The following GPATCH2 variants were observed in gnomAD, a reference collection of about 807,000 sequenced individuals.
The protein encoded by GPATCH2 is G-patch domain containing 2.
Under a neutral mutation model 58.0 loss-of-function variants are expected in GPATCH2, and 51 were observed. The ratio of observed to expected loss-of-function variants is 0.88; its 90% CI spans 0.70 to 1.11. The LOEUF (loss-of-function observed/expected upper bound fraction) is 1.11. Among genes scored for constraint, GPATCH2 ranks in the 50% most tolerant of loss-of-function variants. The pLI is 0.00. For synonymous variants in GPATCH2, 222 were observed against 218.5 expected (o/e 1.02, Z -0.14); for missense variants, 625 against 652.2 (o/e 0.96, Z 0.45).
At chr1:217,600,716 T>G (rs961081653) in intron 5 of GPATCH2, among the ~76,000 whole-genome samples, 2 of 152,030 alleles carry the variant, frequency 1.3e-5, no homozygotes, top group Non-Finnish European at 2.9e-5. Context: ...CATCACCATT[T>G]TAAAAGACAA....
intron 5 of GPATCH2, among the ~76,000 whole-genome samples, chr1:217,545,140 A>G (rs1308020397): frequency 1.3e-5 from 2 of 152,176 alleles, no homozygotes; most frequent in South Asian, 4.1e-4. Context: ...TGAAAGCCCA[A>G]CTTCCTGGAA....
chr1:217,571,717 A>AC, intron 5 of GPATCH2, among the ~76,000 whole-genome samples: 1 of 148,360 alleles, frequency 6.7e-6, no homozygotes, highest in South Asian at 2.1e-4. Flanking sequence ...AAAAAAAAAA[A>AC]AAACAAAAAA....
chr1:217,526,479 T>C (rs905359214), intron 5 of GPATCH2, among the ~76,000 whole-genome samples: 1 of 152,192 alleles, frequency 6.6e-6, no homozygotes. Flanking sequence ...CTTTGCGGTA[T>C]GAATAAATGA....
chr1:217,437,674 C>A (rs1658904809), intron 9 of GPATCH2, among the ~76,000 whole-genome samples: 1 of 152,210 alleles, frequency 6.6e-6, no homozygotes. Flanking sequence ...AGCCAGACTG[C>A]CTCTCTAGAT....
At position 217,546,991 on chromosome 1, in the gene GPATCH2, A is replaced by G. The variant is rs540352744; in HGVS notation, c.1099-32102T>C. Among the ~76,000 whole-genome samples the G allele has an allele frequency of 4.1e-4, 62 of 152,354 alleles. 1 individual carries two copies. The South Asian group carries it at 0.013, about 31-fold the overall frequency. The stretch of plus-strand genomic sequence containing the variant: ...TGCAGCCAACAATGATATGAAAAAA[A>G]AAGCTCAACATCACTGATCATTGGA... On this transcript the variant is annotated intron_variant, in intron 5 of 9. Coordinates refer to ENST00000366935, the MANE Select transcript of GPATCH2 (RefSeq NM_018040.5).
intron 8 of GPATCH2, among the ~76,000 whole-genome samples, chr1:217,490,802 T>G (rs1661690400): frequency 6.6e-6 from 1 of 152,256 alleles, no homozygotes; most frequent in South Asian, 2.1e-4. Flanking sequence ...TAGTCATTTA[T>G]GTTGACTATC....
At chr1:217,514,128 C>A (rs183287203) in intron 6 of GPATCH2, among the ~76,000 whole-genome samples, 6 of 146,718 alleles carry the variant, frequency 4.1e-5, no homozygotes, top group Non-Finnish European at 7.5e-5. Context: ...TGCCTGGCCC[C>A]CCCGCAAAAA....
chr1:217,492,865 C>T (rs149853586), intron 7 of GPATCH2, among the ~76,000 whole-genome samples: 60 of 152,250 alleles, frequency 3.9e-4, no homozygotes, highest in Non-Finnish European at 6.8e-4. Flanking sequence ...GGGACTAGCT[C>T]TCAGTAGGTA....
chr1:217,570,957 T>C (rs1327824756), intron 5 of GPATCH2, among the ~76,000 whole-genome samples: 1 of 152,168 alleles, frequency 6.6e-6, no homozygotes, highest in Non-Finnish European at 1.5e-5. Flanking sequence ...TTAAGCAAAC[T>C]TAGGCAAAGA....
chr1:217,466,565 T>C (rs1306189163), intron 8 of GPATCH2, among the ~76,000 whole-genome samples: 2 of 151,680 alleles, frequency 1.3e-5, no homozygotes, highest in Admixed American at 6.6e-5. Flanking sequence ...AAAAATAAAA[T>C]AAATTCCCTG....
In GPATCH2 at chr1:217,427,756, T is replaced by C. The variant is rs929426742; in HGVS notation, c.*3389A>G. 6 of 152,142 alleles carry C rather than the reference T, an allele frequency of 3.9e-5. No individual in the cohort carries two copies. Among genetic ancestry groups the C allele is most frequent in the African/African-American group, 1.4e-4 (6 of 41,452 alleles). 9.4% of individuals were successfully genotyped at this position (152,142 alleles called of 1,614,324 possible). A position where few individuals can be genotyped will look rare whatever the true frequency, so the allele number is the denominator to read the frequency against. On this transcript the variant is annotated 3_prime_UTR_variant, in exon 10 of 10. Coordinates refer to ENST00000366935, the MANE Select transcript of GPATCH2 (RefSeq NM_018040.5). ...GGAAATATCTGCTCAAAATAAAGTG[T>C]ACTGAATAGAAGCAATTGTCAGTTC...
At chr1:217,617,220 A>G (rs150348599) in intron 2 of GPATCH2, among the ~76,000 whole-genome samples, 1 of 152,272 alleles carries the variant, frequency 6.6e-6, no homozygotes, top group Admixed American at 6.5e-5. Context: ...GCCGGTAAAA[A>G]CAAAGTATGT....
intron 5 of GPATCH2, among the ~76,000 whole-genome samples, chr1:217,573,005 C>T (rs994868624): frequency 6.6e-6 from 1 of 152,176 alleles, no homozygotes; most frequent in Non-Finnish European, 1.5e-5. Context: ...CAATCCAAAA[C>T]ATTAGAAGTG....
chr1:217,614,089 C>A, intron 3 of GPATCH2, 52 bp downstream of exon 3: 1 of 983,814 alleles, frequency 1.0e-6, no homozygotes, highest in Non-Finnish European at 1.6e-6. Flanking sequence ...ATAAGCTCCA[C>A]TTTAGAATGA....
rs1558384388 is a variant in GPATCH2, at chr1:217,427,772, T to C, written c.*3373A>G. 1.3e-5 allele frequency: 2 copies of C among 152,262 alleles called. No homozygotes were observed. Among genetic ancestry groups the C allele is most frequent in the East Asian group, 1.9e-4 (1 of 5,184 alleles). The allele number at this position is 152,262 out of a possible 1,614,324, so 9.4% of individuals were successfully genotyped here. A position where few individuals can be genotyped will look rare whatever the true frequency, so the allele number is the denominator to read the frequency against. On this transcript the variant is annotated 3_prime_UTR_variant, in exon 10 of 10. Coordinates refer to ENST00000366935, the MANE Select transcript of GPATCH2 (RefSeq NM_018040.5). ...AATAAAGTGTACTGAATAGAAGCAA[T>C]TGTCAGTTCAATTTACAAGAATGCC...
Position 217,577,819 on chromosome 1 carries a change from C to A in GPATCH2, c.1098+32502G>T, listed in dbSNP as rs902216526. ...CTGGAGTGCAATGGTGCGATCTCAG[C>A]TCATCGCAACCTCCGCCTCCCAGGT... On this transcript the variant is annotated intron_variant, in intron 5 of 9. Transcript: ENST00000366935. Among the ~76,000 whole-genome samples the A allele has an allele frequency of 4.6e-5, 7 of 152,202 alleles. No individual in the cohort carries two copies. In the East Asian group the frequency reaches 9.7e-4, roughly 21 times the overall value.
At chr1:217,624,188 A>G (rs1463487996) in intron 1 of GPATCH2, among the ~76,000 whole-genome samples, 1 of 152,126 alleles carries the variant, frequency 6.6e-6, no homozygotes, top group East Asian at 1.9e-4. Context: ...ATTATAGTCA[A>G]TTAACGTCAA....
At chr1:217,491,240 G>GA (rs1285332784) in intron 8 of GPATCH2, among the ~76,000 whole-genome samples, 1 of 151,936 alleles carries the variant, frequency 6.6e-6, no homozygotes, top group Admixed American at 6.6e-5. Context: ...ACTAACATTG[G>GA]AAAAAATGAA....
chr1:217,548,330 T>A (rs1205027976), intron 5 of GPATCH2, among the ~76,000 whole-genome samples: 1 of 152,146 alleles, frequency 6.6e-6, no homozygotes, highest in Non-Finnish European at 1.5e-5. Flanking sequence ...ACCTGGATGA[T>A]GAAATAATCT....
Sources: allele counts gnomAD v4.1 joint callset (sites outside exome capture counted in the v4.1 genomes callset), GRCh38; gene constraint gnomAD v4.1.1; transcripts MANE v1.5; gene names NCBI Gene and HGNC (gene_info 2026-07-23, HGNC 2026-07-21).